The following ADCY10 variants were observed in gnomAD, a reference collection of about 807,000 sequenced individuals.
ADCY10 encodes the protein adenylate cyclase 10, also known as adenylate cyclase type 10.
ADCY10 carries 156 observed loss-of-function variants against 183.3 expected under a neutral mutation model. The ratio of observed to expected loss-of-function variants is 0.85; its 90% CI spans 0.75 to 0.97. The LOEUF (loss-of-function observed/expected upper bound fraction) is 0.97, where lower values mean the gene tolerates loss of function less well. Ranked by LOEUF, ADCY10 falls within the 50% of genes least tolerant of loss-of-function variation. The probability of loss-of-function intolerance (pLI) is 0.00; values close to 1 mark genes in which losing one functional copy is unlikely to be tolerated. For synonymous variants in ADCY10, 645 were observed against 670.0 expected (o/e 0.96, Z 0.58); for missense variants, 1,745 against 1,934.3 (o/e 0.90, Z 1.84).
chr1:167,869,792 T>TCA (rs1432158323), intron 14 of ADCY10, among the ~76,000 whole-genome samples: 5 of 152,000 alleles, frequency 3.3e-5, no homozygotes, highest in Non-Finnish European at 5.9e-5. Flanking sequence ...TTGAGCACCT[T>TCA]GACGAGCTCG....
rs1664940063 is a variant in ADCY10 at position 167,845,507 on chromosome 1, T to G, written c.3007+56A>C. 7 of 1,572,052 alleles carry G rather than the reference T, an allele frequency of 4.5e-6. No homozygotes were observed. In the East Asian group the frequency reaches 1.6e-4, roughly 35 times the overall value. ...GATCCACACCCACTCCTTCTAGATCTTAGTCTCTAGATTTCCCAAGAACAG... is the reference window on the plus strand; with the variant it reads ...GATCCACACCCACTCCTTCTAGATCGTAGTCTCTAGATTTCCCAAGAACAG... On this transcript the variant is annotated intron_variant, in intron 21 of 32. Coordinates refer to ENST00000367851, the MANE Select transcript of ADCY10 (RefSeq NM_018417.6).
At chr1:167,865,671 G>T (rs1026933739) in intron 14 of ADCY10, among the ~76,000 whole-genome samples, 1 of 152,162 alleles carries the variant, frequency 6.6e-6, no homozygotes, top group African/African-American at 2.4e-5. Flanking sequence ...TTTTACTAGA[G>T]GATCATAGAA....
At chr1:167,871,956 C>G (rs1667131172) in intron 13 of ADCY10, among the ~76,000 whole-genome samples, 1 of 152,198 alleles carries the variant, frequency 6.6e-6, no homozygotes, top group African/African-American at 2.4e-5. Flanking sequence ...ACCAACATGG[C>G]ACATGTATAC....
intron 1 of ADCY10, among the ~76,000 whole-genome samples, chr1:167,909,218 T>G (rs552549570): frequency 1.8e-4 from 27 of 152,338 alleles, no homozygotes; most frequent in Non-Finnish European, 3.1e-4. Context: ...TAATTGTTCA[T>G]TTTCAATGCT....
intron 19 of ADCY10, 69 bp downstream of exon 19, chr1:167,848,292 G>C (rs1337390511): frequency 7.6e-7 from 1 of 1,321,298 alleles, no homozygotes; most frequent in Admixed American, 1.7e-5. Context: ...CTTGTGATCC[G>C]CCCGCCTCGG....
At chr1:167,824,118 C>A (rs1289362930) in intron 28 of ADCY10, among the ~76,000 whole-genome samples, 1 of 152,190 alleles carries the variant, frequency 6.6e-6, no homozygotes, top group Admixed American at 6.5e-5. Flanking sequence ...GTCAGGAGTT[C>A]AAGACCAGCC....
chr1:167,812,074 C>T (rs1662248032), intron 31 of ADCY10, among the ~76,000 whole-genome samples: 1 of 152,190 alleles, frequency 6.6e-6, no homozygotes, highest in South Asian at 2.1e-4. Flanking sequence ...GCACATGCTC[C>T]TGAAGAACCT....
chr1:167,818,526 T>TCTTTGG (rs1049538270), intron 30 of ADCY10: 6 of 541,562 alleles, frequency 1.1e-5, no homozygotes, highest in African/African-American at 7.7e-5. Context: ...ACCATTGAAC[T>TCTTTGG]CTTTGGCTTT....
intron 21 of ADCY10, among the ~76,000 whole-genome samples, chr1:167,842,381 T>A (rs1170762115): frequency 1.3e-5 from 2 of 152,150 alleles, no homozygotes; most frequent in African/African-American, 4.8e-5. Context: ...CAGCCCTGGC[T>A]TGAACCTGGC....
chr1:167,913,157 C>A (rs925221959), intron 1 of ADCY10, among the ~76,000 whole-genome samples: 1 of 152,042 alleles, frequency 6.6e-6, no homozygotes, highest in African/African-American at 2.4e-5. Flanking sequence ...CGCGGAAGCA[C>A]CTTGGAATGA....
At chr1:167,810,448 G>A (rs1662130366) in intron 32 of ADCY10, among the ~76,000 whole-genome samples, 1 of 152,136 alleles carries the variant, frequency 6.6e-6, no homozygotes, top group African/African-American at 2.4e-5. Flanking sequence ...GGGCTGGAGG[G>A]AGCAAATTTT....
intron 18 of ADCY10, among the ~76,000 whole-genome samples, chr1:167,850,451 G>A (rs1453721172): frequency 6.6e-6 from 1 of 152,190 alleles, no homozygotes; most frequent in African/African-American, 2.4e-5. Flanking sequence ...CTGAGAAATA[G>A]ATGAGTAAAT....
At chr1:167,829,476 G>A in intron 25 of ADCY10, 53 bp from the exon 26 acceptor site, 1 of 1,606,650 alleles carries the variant, frequency 6.2e-7, no homozygotes, top group South Asian at 1.1e-5. Context: ...TCATTACCAT[G>A]ATTTAGGGGA....
chr1:167,911,563 C>T (rs1350844143), intron 1 of ADCY10, among the ~76,000 whole-genome samples: 2 of 152,176 alleles, frequency 1.3e-5, no homozygotes, highest in Non-Finnish European at 2.9e-5. Flanking sequence ...GCTAGCCGAT[C>T]GGGACAAATA....
chr1:167,905,999 A>T (rs1289156958), intron 1 of ADCY10, among the ~76,000 whole-genome samples: 1 of 152,234 alleles, frequency 6.6e-6, no homozygotes, highest in Non-Finnish European at 1.5e-5. Context: ...TAGGTTATAC[A>T]GAAAATATAA....
chr1:167,904,675 A>C, intron 2 of ADCY10: 1 of 591,432 alleles, frequency 1.7e-6, no homozygotes, highest in Non-Finnish European at 3.0e-6. Flanking sequence ...CCTGAGGTCA[A>C]TTTTGACTGG....
Position 167,851,332 on chromosome 1 carries a change from G to A in ADCY10, c.2309-2843C>T, listed in dbSNP as rs146163786. The stretch of plus-strand genomic sequence containing the variant: ...CTCCCAGGTAGCTGGGACTACAGGC[G>A]TGCGACACCACACCCGGCTAATTTT... On this transcript the variant is annotated intron_variant, in intron 18 of 32. Coordinates refer to ENST00000367851, the MANE Select transcript of ADCY10 (RefSeq NM_018417.6). Among the ~76,000 whole-genome samples the A allele has an allele frequency of 4.2e-3, 644 of 151,956 alleles. 5 individuals are homozygous for A. Among genetic ancestry groups the A allele is most frequent in the African/African-American group, 0.014 (600 of 41,438 alleles).
intron 14 of ADCY10, among the ~76,000 whole-genome samples, chr1:167,863,220 T>A (rs10918784): frequency 6.6e-6 from 1 of 151,892 alleles, no homozygotes; most frequent in East Asian, 1.9e-4. Context: ...TGACCTAAGC[T>A]CGGTAGTTAA....
intron 31 of ADCY10, among the ~76,000 whole-genome samples, chr1:167,814,082 G>C (rs1327062568): frequency 6.6e-6 from 1 of 151,984 alleles, no homozygotes; most frequent in African/African-American, 2.4e-5. Flanking sequence ...AAGCTGTAAG[G>C]CATATTGAAA....
Sources: allele counts gnomAD v4.1 joint callset (sites outside exome capture counted in the v4.1 genomes callset), GRCh38; gene constraint gnomAD v4.1.1; transcripts MANE v1.5; gene names NCBI Gene and HGNC (gene_info 2026-07-23, HGNC 2026-07-21).